Variants in IL1RAPL1 observed in about 807,000 individuals in gnomAD.
IL1RAPL1 encodes interleukin-1 receptor accessory protein-like 1.
In IL1RAPL1, 3 loss-of-function variants were observed where a neutral mutation model predicts 48.4. The ratio of observed to expected loss-of-function variants is 0.06; its 90% confidence interval spans 0.03 to 0.16. The LOEUF is 0.16. Ranked by LOEUF, IL1RAPL1 falls within the 10% of genes least tolerant of loss-of-function variation. IL1RAPL1 has a pLI of 1.00. For missense variants in IL1RAPL1, 349 were observed against 530.6 expected, an observed-to-expected ratio of 0.66 and a Z score of 3.36; for synonymous variants, 185 against 187.7, an observed-to-expected ratio of 0.99 and a Z score of 0.12.
At chrX:29,437,004 A>G (rs1934488917) in intron 5 of IL1RAPL1, among the ~76,000 whole-genome samples, 1 of 110,822 alleles carries the variant, frequency 9.0e-6, no homozygotes, top group African/African-American at 3.3e-5. Flanking sequence ...AGAATATTTC[A>G]CAGTGACATT....
At chrX:29,521,172 A>G (rs1385058613) in intron 5 of IL1RAPL1, among the ~76,000 whole-genome samples, 1 of 112,553 alleles carries the variant, frequency 8.9e-6, no homozygotes, top group Non-Finnish European at 1.9e-5. Context: ...ACCTCATCCA[A>G]TGTCAGCATA....
chrX:29,711,043 GGTGTGTGTGT>G (rs768108356), intron 6 of IL1RAPL1, among the ~76,000 whole-genome samples: 18 of 69,155 alleles, frequency 2.6e-4, no homozygotes, highest in Non-Finnish European at 3.7e-4. Context: ...CCATGAGCAT[GGTGTGTGTGT>G]GTGTGTGTGT....
intron 5 of IL1RAPL1, among the ~76,000 whole-genome samples, chrX:29,476,054 G>A (rs761320547): frequency 1.8e-5 from 2 of 111,656 alleles, no homozygotes; most frequent in South Asian, 3.8e-4. Context: ...AAGGGCATCC[G>A]TGTCTTGCAT....
In IL1RAPL1 at chrX:29,181,599, A is replaced by G. The variant is rs563390391; in HGVS notation, c.83-101339A>G. On this transcript the variant is annotated intron_variant, in intron 2 of 10. Transcript: ENST00000378993. Reference sequence around the variant, plus strand: ...GTCAAGGAACAATTCTAGAATTCCTACTATGTACCACATACTCTTTTTTAG... The same window carrying G: ...GTCAAGGAACAATTCTAGAATTCCTGCTATGTACCACATACTCTTTTTTAG... Among the ~76,000 whole-genome samples, 5 of 111,900 alleles carry G rather than the reference A, an allele frequency of 4.5e-5. 1 individual carries two copies. In the East Asian group the frequency reaches 1.1e-3, roughly 25 times the overall value.
At chrX:29,679,368 G>A (rs1365779542) in intron 6 of IL1RAPL1, among the ~76,000 whole-genome samples, 2 of 111,704 alleles carry the variant, frequency 1.8e-5, no homozygotes, top group African/African-American at 3.2e-5. Context: ...GCAACTTTAA[G>A]ACTTCTTAAT....
At chrX:28,788,811 C>T (rs1936501910) in intron 1 of IL1RAPL1, among the ~76,000 whole-genome samples, 1 of 110,613 alleles carries the variant, frequency 9.0e-6, no homozygotes, top group Admixed American at 9.8e-5. Flanking sequence ...TTAAAATTAT[C>T]TTACAATATC....
At chrX:28,598,247 A>G (rs1239926778) in intron 1 of IL1RAPL1, among the ~76,000 whole-genome samples, 1 of 112,205 alleles carries the variant, frequency 8.9e-6, no homozygotes, top group Non-Finnish European at 1.9e-5. Context: ...ACAATTTTGA[A>G]TTGTAGCTGG....
At chrX:29,233,214 C>T (rs1178562673) in intron 2 of IL1RAPL1, among the ~76,000 whole-genome samples, 2 of 111,432 alleles carry the variant, frequency 1.8e-5, no homozygotes, top group Non-Finnish European at 3.8e-5. Flanking sequence ...TCCTAGAAAT[C>T]TCATCTATTT....
chrX:29,128,128 C>A (rs1317595414), intron 2 of IL1RAPL1, among the ~76,000 whole-genome samples: 2 of 110,966 alleles, frequency 1.8e-5, no homozygotes, highest in Non-Finnish European at 3.8e-5. Context: ...AAAATAATAA[C>A]TATACATTGA....
chrX:29,025,575 T>C (rs774047445), intron 2 of IL1RAPL1, among the ~76,000 whole-genome samples: 1 of 111,886 alleles, frequency 8.9e-6, no homozygotes, highest in African/African-American at 3.2e-5. Context: ...CTTATTGGGT[T>C]CCTACTATAT....
intron 5 of IL1RAPL1, among the ~76,000 whole-genome samples, chrX:29,586,513 A>G (rs1923167080): frequency 8.9e-6 from 1 of 111,744 alleles, no homozygotes; most frequent in Non-Finnish European, 1.9e-5. Flanking sequence ...GACTGATTTC[A>G]TCGTTTATGG....
At chrX:28,663,108 C>A (rs1296824097) in intron 1 of IL1RAPL1, among the ~76,000 whole-genome samples, 1 of 111,934 alleles carries the variant, frequency 8.9e-6, no homozygotes, top group Non-Finnish European at 1.9e-5. Context: ...AAGAAGAAAG[C>A]AAATTCCAAT....
intron 3 of IL1RAPL1, among the ~76,000 whole-genome samples, chrX:29,336,304 G>GGT (rs375590826): frequency 0.015 from 1,075 of 70,789 alleles, 16 homozygotes; most frequent in East Asian, 0.039. Flanking sequence ...ACCGTTTTGG[G>GGT]GTGTGTGTGT....
At chrX:29,592,578 G>A (rs773541514) in intron 5 of IL1RAPL1, among the ~76,000 whole-genome samples, 2 of 111,484 alleles carry the variant, frequency 1.8e-5, no homozygotes, top group Non-Finnish European at 3.8e-5. Context: ...GGTTTACCTC[G>A]TTTCACCTCT....
intron 2 of IL1RAPL1, among the ~76,000 whole-genome samples, chrX:29,091,382 C>T (rs1026650702): frequency 9.0e-6 from 1 of 111,701 alleles, no homozygotes; most frequent in African/African-American, 3.3e-5. Context: ...TTAGTCTCCC[C>T]TGCTCTGCTA....
chrX:29,002,600 G>A (rs1228950282), intron 2 of IL1RAPL1, among the ~76,000 whole-genome samples: 1 of 109,859 alleles, frequency 9.1e-6, no homozygotes, highest in Non-Finnish European at 1.9e-5. Context: ...CTTTTAAAAT[G>A]TATTTTTGTT....
chrX:29,629,819 G>A (rs2147078673), intron 5 of IL1RAPL1, among the ~76,000 whole-genome samples: 1 of 111,901 alleles, frequency 8.9e-6, no homozygotes, highest in African/African-American at 3.2e-5. Context: ...GCTAGACTGT[G>A]GATCTCTTCC....
intron 1 of IL1RAPL1, among the ~76,000 whole-genome samples, chrX:28,770,838 A>G (rs2147256664): frequency 8.9e-6 from 1 of 112,421 alleles, no homozygotes; most frequent in East Asian, 2.8e-4. Flanking sequence ...CAATGAGGAT[A>G]TTATATCATG....
intron 6 of IL1RAPL1, among the ~76,000 whole-genome samples, chrX:29,892,593 T>C (rs924162857): frequency 1.8e-5 from 2 of 112,249 alleles, no homozygotes; most frequent in Admixed American, 1.9e-4. Flanking sequence ...GGGAAGATGA[T>C]TGGAGAAAAG....
Sources: gnomAD v4.1 joint callset for allele counts (sites outside exome capture counted in the v4.1 genomes callset) on GRCh38, gnomAD v4.1.1 for gene constraint, MANE v1.5 for transcripts, NCBI Gene and HGNC (gene_info 2026-07-23, HGNC 2026-07-21) for gene names.